The following CDK14 variants were observed in gnomAD, a reference collection of about 807,000 sequenced individuals.
CDK14 encodes the protein cyclin dependent kinase 14, also known as cyclin-dependent kinase 14.
Under a neutral mutation model 60.7 loss-of-function variants are expected in CDK14, and 34 were observed. That is an observed-to-expected ratio of 0.56 (90% CI 0.43 to 0.75). CDK14 has a LOEUF of 0.75. CDK14 is among the 30% of genes least tolerant of loss of function. CDK14 has a pLI of 0.00. For synonymous variants in CDK14, 197 were observed against 203.7 expected (o/e 0.97, Z 0.28); for missense variants, 482 against 564.1 (o/e 0.85, Z 1.47).
chr7:90,639,889 C>T (rs567839583), intron 2 of CDK14, among the ~76,000 whole-genome samples: 4 of 152,182 alleles, frequency 2.6e-5, no homozygotes, highest in East Asian at 1.9e-4. Flanking sequence ...TGCTAGCAAT[C>T]GGCGAGACTC....
At chr7:90,758,372 T>C (rs1804170058) in intron 4 of CDK14, among the ~76,000 whole-genome samples, 1 of 152,208 alleles carries the variant, frequency 6.6e-6, no homozygotes, top group African/African-American at 2.4e-5. Context: ...TTTGGTTTTC[T>C]GATTATGTTC....
intron 10 of CDK14, among the ~76,000 whole-genome samples, chr7:91,039,941 G>A (rs1440871929): frequency 6.6e-6 from 1 of 152,068 alleles, no homozygotes; most frequent in Non-Finnish European, 1.5e-5. Flanking sequence ...AAAAAATTTA[G>A]TAGAATAGGG....
chr7:91,142,309 C>G (rs1431200506), intron 14 of CDK14, among the ~76,000 whole-genome samples: 1 of 152,160 alleles, frequency 6.6e-6, no homozygotes, highest in Admixed American at 6.5e-5. Context: ...CCTTCTTTAG[C>G]AAAGGCTGTG....
At chr7:90,702,359 T>C (rs1801803284) in intron 2 of CDK14, among the ~76,000 whole-genome samples, 1 of 152,162 alleles carries the variant, frequency 6.6e-6, no homozygotes, top group Non-Finnish European at 1.5e-5. Flanking sequence ...CCCTGTGACT[T>C]ATGCATGTTT....
intron 8 of CDK14, among the ~76,000 whole-genome samples, chr7:90,951,869 G>A (rs1794273450): frequency 6.6e-6 from 1 of 152,130 alleles, no homozygotes; most frequent in Non-Finnish European, 1.5e-5. Context: ...GAATTACATA[G>A]AACCAGGTCT....
intron 11 of CDK14, among the ~76,000 whole-genome samples, chr7:91,067,846 G>A (rs1798023477): frequency 6.6e-6 from 1 of 152,110 alleles, no homozygotes; most frequent in Admixed American, 6.5e-5. Flanking sequence ...GCAATTAATT[G>A]CTAAGAATAA....
At chr7:90,912,309 G>T (rs1288136816) in intron 7 of CDK14, among the ~76,000 whole-genome samples, 1 of 152,118 alleles carries the variant, frequency 6.6e-6, no homozygotes, top group Non-Finnish European at 1.5e-5. Flanking sequence ...AGAAATTCAA[G>T]AATCATGTGC....
chr7:90,961,222 ACT>A (rs2117589881), intron 9 of CDK14, among the ~76,000 whole-genome samples: 1 of 152,274 alleles, frequency 6.6e-6, no homozygotes, highest in Non-Finnish European at 1.5e-5. Flanking sequence ...TTTAGGTTAT[ACT>A]CTGAGTCATG....
At chr7:90,782,734 T>C (rs1184593827) in intron 4 of CDK14, among the ~76,000 whole-genome samples, 1 of 152,154 alleles carries the variant, frequency 6.6e-6, no homozygotes, top group Non-Finnish European at 1.5e-5. Flanking sequence ...GGCTGTCTTA[T>C]AGAGGAAGAC....
At chr7:90,713,627 C>CTTTTTTTTTTTTTT (rs34802725) in intron 2 of CDK14, among the ~76,000 whole-genome samples, 1 of 133,802 alleles carries the variant, frequency 7.5e-6, no homozygotes, top group Non-Finnish European at 1.6e-5. Flanking sequence ...TTTGGAAGTA[C>CTTTTTTTTTTTTTT]TTTTTTTTTT....
intron 7 of CDK14, among the ~76,000 whole-genome samples, chr7:90,904,796 A>G (rs988566863): frequency 6.6e-6 from 1 of 152,202 alleles, no homozygotes; most frequent in Non-Finnish European, 1.5e-5. Context: ...CACTGGGTTC[A>G]AAGAAAAATC....
chr7:91,173,425 C>A (rs1423745188), intron 14 of CDK14, among the ~76,000 whole-genome samples: 1 of 137,788 alleles, frequency 7.3e-6, no homozygotes, highest in Non-Finnish European at 1.6e-5. Context: ...AAGACTGCAT[C>A]TCTTAAAAAA....
intron 2 of CDK14, among the ~76,000 whole-genome samples, chr7:90,661,688 G>A (rs1015149765): frequency 6.6e-6 from 1 of 152,076 alleles, no homozygotes; most frequent in African/African-American, 2.4e-5. Context: ...TTGTGTGCTG[G>A]GACCTCACTA....
At chr7:91,138,887 T>C (rs1160214307) in intron 14 of CDK14, among the ~76,000 whole-genome samples, 1 of 152,142 alleles carries the variant, frequency 6.6e-6, no homozygotes, top group African/African-American at 2.4e-5. Context: ...AGAGATAAGA[T>C]CTCTTTCTTT....
intron 2 of CDK14, among the ~76,000 whole-genome samples, chr7:90,714,071 C>G (rs1324642685): frequency 6.6e-6 from 1 of 151,996 alleles, no homozygotes; most frequent in African/African-American, 2.4e-5. Context: ...ATATCTTGCC[C>G]AAGATCCTTC....
At chr7:90,726,103 T>C (rs568204521) in intron 2 of CDK14, among the ~76,000 whole-genome samples, 2 of 152,288 alleles carry the variant, frequency 1.3e-5, no homozygotes, top group African/African-American at 4.8e-5. Flanking sequence ...TGCATAAAAC[T>C]TTTAAACAAC....
chr7:90,860,296 TCAC>T (rs1248879039), intron 5 of CDK14, among the ~76,000 whole-genome samples: 6 of 152,012 alleles, frequency 3.9e-5, no homozygotes, highest in Non-Finnish European at 2.9e-5. Flanking sequence ...AAGACTAAAT[TCAC>T]CACCTAAATT....
Position 90,683,551 on chromosome 7 carries a change from A to T in CDK14, c.124-43016A>T, listed in dbSNP as rs1801365944. Among the ~76,000 whole-genome samples the T allele has an allele frequency of 2.0e-5, 3 of 152,362 alleles. No homozygotes were observed. The South Asian group carries it at 6.2e-4, about 32-fold the overall frequency. On this transcript the variant is annotated intron_variant, in intron 2 of 14. Coordinates refer to ENST00000380050, the MANE Select transcript of CDK14 (RefSeq NM_001287135.2). ...CACAGTGGCTCACACCTGTAATCCCAGCACTTTGGGAGGCCAAGGCGGGCG... is the reference window on the plus strand; with the variant it reads ...CACAGTGGCTCACACCTGTAATCCCTGCACTTTGGGAGGCCAAGGCGGGCG...
intron 2 of CDK14, among the ~76,000 whole-genome samples, chr7:90,625,753 A>C (rs1584749909): frequency 6.6e-6 from 1 of 152,166 alleles, no homozygotes; most frequent in African/African-American, 2.4e-5. Flanking sequence ...AGAGGTCCAG[A>C]TTTCCTAAGT....
Sources: gnomAD v4.1 joint callset for allele counts (sites outside exome capture counted in the v4.1 genomes callset) on GRCh38, gnomAD v4.1.1 for gene constraint, MANE v1.5 for transcripts, NCBI Gene and HGNC (gene_info 2026-07-23, HGNC 2026-07-21) for gene names.